ACTN4: variants seen among roughly 807,000 people sequenced by gnomAD.
ACTN4 encodes the protein actinin alpha 4.
ACTN4 carries 18 observed loss-of-function variants against 114.2 expected under a neutral mutation model. The observed-to-expected ratio is 0.16, with a 90% CI of 0.11 to 0.23. The LOEUF is 0.23. Among genes scored for constraint, ACTN4 ranks in the 10% least tolerant of loss-of-function variants. The pLI is 1.00. For missense variants in ACTN4, 722 were observed against 1,262.9 expected, an observed-to-expected ratio of 0.57 and a Z score of 6.49; for synonymous variants, 515 against 506.3, an observed-to-expected ratio of 1.02 and a Z score of -0.23.
rs2279146 is a variant in ACTN4 at position 38,711,977 on chromosome 19, C to A, written c.819+1635C>A. Among the ~76,000 whole-genome samples, 5 of 152,186 alleles carry A rather than the reference C, an allele frequency of 3.3e-5. No homozygotes were observed. In the East Asian group the frequency reaches 9.6e-4, roughly 29 times the overall value. ...ACGCAGAGGCCCAAGCACTGCTCCCCCCGCTTGCCTTGTGGTCTCTGAAGT... is the reference window on the plus strand; with the variant it reads ...ACGCAGAGGCCCAAGCACTGCTCCCACCGCTTGCCTTGTGGTCTCTGAAGT... On this transcript the variant is annotated intron_variant, in intron 8 of 20. Transcript: ENST00000252699.
chr19:38,669,885 G>T (rs545404875), intron 1 of ACTN4, among the ~76,000 whole-genome samples: 92 of 152,224 alleles, frequency 6.0e-4, no homozygotes, highest in African/African-American at 2.0e-3. Flanking sequence ...GGAAGCAAGC[G>T]TTGGGGGAAG....
At chr19:38,696,182 G>A (rs1337680658) in intron 1 of ACTN4, among the ~76,000 whole-genome samples, 1 of 152,172 alleles carries the variant, frequency 6.6e-6, no homozygotes, top group Admixed American at 6.5e-5. Flanking sequence ...CGTTATTTCT[G>A]GAGTGGACTG....
Position 38,730,751 on chromosome 19 carries a change from G to C in ACTN4, c.*1319G>C. 7.0e-7 allele frequency: 1 copy of C among 1,423,566 alleles called. No individual in the cohort carries two copies. The highest frequency in any genetic ancestry group is 9.6e-7 in the Non-Finnish European group (1 of 1,038,042). 88.2% of individuals were successfully genotyped at this position (1,423,566 alleles called of 1,614,324 possible). On this transcript the variant is annotated 3_prime_UTR_variant, in exon 21 of 21. Coordinates refer to ENST00000252699, the MANE Select transcript of ACTN4 (RefSeq NM_004924.6). ...AGGGCCAGAGACTAGCCCCAGACAGGTGGATGCCAGAGAGAGTGGCACCCA... is the reference window on the plus strand; with the variant it reads ...AGGGCCAGAGACTAGCCCCAGACAGCTGGATGCCAGAGAGAGTGGCACCCA...
intron 1 of ACTN4, among the ~76,000 whole-genome samples, chr19:38,699,791 A>G (rs35576862): frequency 0.057 from 8,578 of 151,322 alleles, 258 homozygotes; most frequent in South Asian, 0.096. Flanking sequence ...TAGGAAGGAT[A>G]GGGCATGGCA....
At chr19:38,677,772 C>T (rs978700717) in intron 1 of ACTN4, among the ~76,000 whole-genome samples, 15 of 152,244 alleles carry the variant, frequency 9.9e-5, no homozygotes, top group Middle Eastern at 3.4e-3. Flanking sequence ...GACGGAGTCT[C>T]GCTGTGTTGC....
rs774156885 is a variant in ACTN4, at chr19:38,700,608, G to C, written c.171G>C (p.Thr57=). Residue 57 remains threonine, a synonymous_variant, in exon 2 of 21, where the codon ACG becomes ACC. Coordinates refer to ENST00000252699, the MANE Select transcript of ACTN4 (RefSeq NM_004924.6). ...AWEKQQRKTF[T]AWCNSHLRKA... The stretch of plus-strand genomic sequence containing the variant: ...TTGTTCTGCTTCCCCAGACCTTCAC[G>C]GCATGGTGCAACTCCCACCTGCGGA... 6.2e-7 allele frequency: 1 copy of C among 1,613,880 alleles called. No individual in the cohort carries two copies. The highest frequency in any genetic ancestry group is 1.3e-5 in the African/African-American group (1 of 75,034).
intron 3 of ACTN4, among the ~76,000 whole-genome samples, chr19:38,704,658 G>C (rs940036669): frequency 4.7e-5 from 6 of 127,902 alleles, no homozygotes; most frequent in Non-Finnish European, 1.1e-4. Context: ...TTTTGAGTTG[G>C]GTCAGGAGAA....
intron 11 of ACTN4, among the ~76,000 whole-genome samples, chr19:38,719,722 C>T (rs1273964146): frequency 6.6e-6 from 1 of 152,270 alleles, no homozygotes; most frequent in Admixed American, 6.5e-5. Context: ...GCCTGGGCGT[C>T]GCCCTGTGGC....
rs1164303748 is a variant in ACTN4 at position 38,730,162 on chromosome 19, C to T, written c.*730C>T. 1 of 141,698 alleles carries T rather than the reference C, an allele frequency of 7.1e-6. No homozygotes were observed. The highest frequency in any genetic ancestry group is 2.7e-5 in the African/African-American group (1 of 37,722). The allele number at this position is 141,698 out of a possible 1,614,324, so 8.8% of individuals were successfully genotyped here. On this transcript the variant is annotated 3_prime_UTR_variant, in exon 21 of 21. Transcript: ENST00000252699. ...AAAAAAAATCACAAAAACAAAAAAACTATAAAAAAGAAAGAATTAAAAACT... is the reference window on the plus strand; with the variant it reads ...AAAAAAAATCACAAAAACAAAAAAATTATAAAAAAGAAAGAATTAAAAACT...
chr19:38,700,201 C>T (rs1233101958), intron 1 of ACTN4, among the ~76,000 whole-genome samples: 1 of 152,126 alleles, frequency 6.6e-6, no homozygotes, highest in African/African-American at 2.4e-5. Context: ...GCCTGGTGCT[C>T]AGTCATGTTT....
Position 38,730,345 on chromosome 19 carries a change from G to A in ACTN4, c.*913G>A, listed in dbSNP as rs372094916. On this transcript the variant is annotated 3_prime_UTR_variant, in exon 21 of 21. Transcript: ENST00000252699. ...GCTGATGCTCCTCCGGGTCTGCGTC[G>A]GGCGTGGGTCTCTGGGGACCCTCCA... The A allele has an allele frequency of 7.1e-5, 12 of 169,874 alleles. No individual in the cohort carries two copies. The South Asian group carries it at 1.1e-3, about 15-fold the overall frequency. The allele number at this position is 169,874 out of a possible 1,614,324, so 10.5% of individuals were successfully genotyped here.
intron 1 of ACTN4, among the ~76,000 whole-genome samples, chr19:38,664,123 C>T (rs536674996): frequency 6.6e-6 from 1 of 152,222 alleles, no homozygotes; most frequent in African/African-American, 2.4e-5. Flanking sequence ...GCCACAGCTC[C>T]TCTGTTGCCC....
At chr19:38,684,163 A>G (rs1967667054) in intron 1 of ACTN4, among the ~76,000 whole-genome samples, 1 of 152,214 alleles carries the variant, frequency 6.6e-6, no homozygotes, top group Non-Finnish European at 1.5e-5. Context: ...TAGAGCACGC[A>G]GAACAAACCC....
chr19:38,680,269 C>T (rs1967522821), intron 1 of ACTN4, among the ~76,000 whole-genome samples: 1 of 146,896 alleles, frequency 6.8e-6, no homozygotes, highest in Non-Finnish European at 1.5e-5. Flanking sequence ...CACTCAGTCG[C>T]CCAGGCTAGA....
Position 38,705,816 on chromosome 19 carries a change from G to A in ACTN4, c.485-228G>A, listed in dbSNP as rs192928176. ...AAGCGACTCTCCTCGGGGCCGTGAGGATTAAGCAGGGCCGTGTGTCCTGGC... is the reference window on the plus strand; with the variant it reads ...AAGCGACTCTCCTCGGGGCCGTGAGAATTAAGCAGGGCCGTGTGTCCTGGC... On this transcript the variant is annotated intron_variant, in intron 4 of 20. Transcript: ENST00000252699. Among the ~76,000 whole-genome samples, 576 of 152,272 alleles carry A rather than the reference G, an allele frequency of 3.8e-3. 1 individual carries two copies. The highest frequency in any genetic ancestry group is 6.2e-3 in the Non-Finnish European group (425 of 68,026).
intron 1 of ACTN4, among the ~76,000 whole-genome samples, chr19:38,661,309 G>T (rs1373957904): frequency 1.3e-5 from 2 of 152,200 alleles, no homozygotes; most frequent in African/African-American, 2.4e-5. Context: ...GGCAGAACAT[G>T]AATCAGCCAA....
At chr19:38,664,655 C>G (rs1006240096) in intron 1 of ACTN4, among the ~76,000 whole-genome samples, 1 of 152,144 alleles carries the variant, frequency 6.6e-6, no homozygotes, top group Admixed American at 6.6e-5. Flanking sequence ...TCCCTGCAGC[C>G]TGGGCACGGG....
At chr19:38,687,253 G>T (rs143614294) in intron 1 of ACTN4, among the ~76,000 whole-genome samples, 1 of 152,130 alleles carries the variant, frequency 6.6e-6, no homozygotes, top group South Asian at 2.1e-4. Context: ...GATTACAGGC[G>T]TGAGCCCCTG....
chr19:38,677,707 A>C (rs1967424205), intron 1 of ACTN4, among the ~76,000 whole-genome samples: 2 of 151,894 alleles, frequency 1.3e-5, no homozygotes, highest in African/African-American at 4.8e-5. Flanking sequence ...TCCCTGCTAG[A>C]TATGAAACAC....
Sources: gnomAD v4.1 joint callset for allele counts (sites outside exome capture counted in the v4.1 genomes callset) on GRCh38, gnomAD v4.1.1 for gene constraint, MANE v1.5 for transcripts, NCBI Gene and HGNC (gene_info 2026-07-23, HGNC 2026-07-21) for gene names.